PPP2R5C: variants seen among roughly 807,000 people sequenced by gnomAD.
The protein encoded by PPP2R5C is protein phosphatase 2 regulatory subunit B'gamma, also known as serine/threonine-protein phosphatase 2A 56 kDa regulatory subunit gamma isoform.
Under a neutral mutation model 68.9 loss-of-function variants are expected in PPP2R5C, and 7 were observed. The observed-to-expected ratio is 0.10, with a 90% CI of 0.06 to 0.19. The LOEUF is 0.19. Among genes scored for constraint, PPP2R5C ranks in the 10% least tolerant of loss-of-function variants. The pLI, the probability that PPP2R5C is intolerant of heterozygous loss-of-function variation, is 1.00. For synonymous variants in PPP2R5C, 210 were observed against 222.2 expected, an observed-to-expected ratio of 0.95 and a Z score of 0.49; for missense variants, 348 against 641.3, an observed-to-expected ratio of 0.54 and a Z score of 4.94.
At chr14:101,912,319 A>G (rs2046441467) in intron 11 of PPP2R5C, 82 bp from the exon 14 acceptor site, 19 of 1,252,984 alleles carry the variant, frequency 1.5e-5, no homozygotes, top group Non-Finnish European at 2.1e-5. Context: ...GGCTGGGCTC[A>G]ACATGCCTGT....
intron 1 of PPP2R5C, among the ~76,000 whole-genome samples, chr14:101,821,691 G>T (rs181711017): frequency 6.6e-6 from 1 of 151,858 alleles, no homozygotes; most frequent in South Asian, 2.1e-4. Context: ...GTATACATAC[G>T]TTACGTAAAT....
At chr14:101,761,874 G>A (rs1205801777), upstream of PPP2R5C, 26 of 1,138,054 alleles carry the variant, frequency 2.3e-5, no homozygotes, top group Middle Eastern at 1.1e-3. Context: ...CGGCGGCGGC[G>A]GCGGCGGCCC....
At chr14:101,761,482 G>T (rs1036809062), upstream of PPP2R5C, among the ~76,000 whole-genome samples, 1 of 148,072 alleles carries the variant, frequency 6.8e-6, no homozygotes, top group Non-Finnish European at 1.5e-5. Flanking sequence ...GGCGTGAACG[G>T]GTCGCGCGGA....
intron 5 of PPP2R5C, 51 bp from the exon 8 acceptor site, chr14:101,890,186 T>C: frequency 6.6e-7 from 1 of 1,505,464 alleles, no homozygotes; most frequent in South Asian, 1.1e-5. Flanking sequence ...ATTGTTTTCT[T>C]ATTCAGGTTA....
chr14:101,827,222 C>T (rs527497119), intron 1 of PPP2R5C, among the ~76,000 whole-genome samples: 5 of 152,140 alleles, frequency 3.3e-5, no homozygotes, highest in South Asian at 2.1e-4. Flanking sequence ...GTGATCTGCC[C>T]GCCTTGACCT....
At chr14:101,870,665 A>G (rs1414207338) in intron 2 of PPP2R5C, among the ~76,000 whole-genome samples, 1 of 152,228 alleles carries the variant, frequency 6.6e-6, no homozygotes, top group Non-Finnish European at 1.5e-5. Context: ...TTTTAAAATC[A>G]GCTTGTTATC....
At position 101,821,452 on chromosome 14, in the gene PPP2R5C, GGTGTGTGTGTGT is replaced by G. The variant is rs71116851; in HGVS notation, c.94+11437_94+11448del. ...TCTCCCTGTGGGGGGTGGGTGGGTG[GGTGTGTGTGTGT>G]GTGTGTGTGTGTGTGTGTGTATTTA... On this transcript the variant is annotated intron_variant, in intron 1 of 13. Coordinates refer to ENST00000334743, the Ensembl canonical transcript of PPP2R5C. Among the ~76,000 whole-genome samples, 58 of 121,438 alleles carry G rather than the reference GGTGTGTGTGTGT, an allele frequency of 4.8e-4. 1 individual carries two copies. In the South Asian group the frequency reaches 0.016, roughly 33 times the overall value. The allele number at this position is 121,438 out of a possible 152,430, so 79.7% of individuals were successfully genotyped here.
intron 11 of PPP2R5C, among the ~76,000 whole-genome samples, chr14:101,911,951 C>G (rs1176230026): frequency 6.6e-6 from 1 of 151,742 alleles, no homozygotes; most frequent in Admixed American, 6.6e-5. Flanking sequence ...TGGAGTCAGT[C>G]AACAACCCAG....
rs188031658 is a variant in PPP2R5C at position 101,925,997 on chromosome 14, A to T, written c.*725A>T. ...AAGAGATTGCTCTGAAATTTATCTT[A>T]AAAGAGCTTGCTCTGTCTACCTTGA... On this transcript the variant is annotated 3_prime_UTR_variant, in exon 14 of 14. Coordinates refer to ENST00000334743, the Ensembl canonical transcript of PPP2R5C. The T allele has an allele frequency of 2.6e-3, 398 of 152,642 alleles. 1 individual carries two copies. The highest frequency in any genetic ancestry group is 4.2e-3 in the Non-Finnish European group (286 of 68,034). The allele number at this position is 152,642 out of a possible 1,614,324, so 9.5% of individuals were successfully genotyped here. A position where few individuals can be genotyped will look rare whatever the true frequency, so the allele number is the denominator to read the frequency against.
chr14:101,760,725 T>G (rs1221211089), upstream of PPP2R5C: 7 of 710,268 alleles, frequency 9.9e-6, no homozygotes, highest in African/African-American at 4.5e-5. Flanking sequence ...AAAGCTGAGC[T>G]GGTGAGGGGA....
chr14:101,863,160 T>TA (rs1412430945), intron 2 of PPP2R5C, among the ~76,000 whole-genome samples: 1 of 151,926 alleles, frequency 6.6e-6, no homozygotes, highest in Non-Finnish European at 1.5e-5. Context: ...ATACAAAAAT[T>TA]AGCTGGGTTT....
chr14:101,772,533 G>A (rs1220689145), intron 2 of PPP2R5C, among the ~76,000 whole-genome samples: 2 of 152,144 alleles, frequency 1.3e-5, no homozygotes, highest in African/African-American at 2.4e-5. Flanking sequence ...AGTGGCTCAC[G>A]CCTGTAATCC....
chr14:101,765,388 C>T, intron 2 of PPP2R5C: 1 of 628,520 alleles, frequency 1.6e-6, no homozygotes, highest in Non-Finnish European at 2.9e-6. Context: ...TCCCCTCAGT[C>T]TTCAGCTCAC....
intron 2 of PPP2R5C, among the ~76,000 whole-genome samples, chr14:101,864,990 A>G (rs2042969698): frequency 6.6e-6 from 1 of 152,176 alleles, no homozygotes; most frequent in Non-Finnish European, 1.5e-5. Context: ...GCAGAGAGAA[A>G]TGGGCAAATG....
chr14:101,828,931 G>A (rs1194943030), intron 1 of PPP2R5C, among the ~76,000 whole-genome samples: 1 of 152,066 alleles, frequency 6.6e-6, no homozygotes, highest in African/African-American at 2.4e-5. Context: ...CACCCGCCTC[G>A]GCTTCTCAAA....
rs1227178878 is a variant in PPP2R5C at position 101,905,358 on chromosome 14, T to TA, written c.1024-1038dup. Among the ~76,000 whole-genome samples, 6 of 138,646 alleles carry TA rather than the reference T, an allele frequency of 4.3e-5. No homozygotes were observed. In the East Asian group the frequency reaches 1.3e-3, roughly 30 times the overall value. The allele number at this position is 138,646 out of a possible 152,430, so 91.0% of individuals were successfully genotyped here. On this transcript the variant is annotated intron_variant, in intron 9 of 13. Coordinates refer to ENST00000334743, the Ensembl canonical transcript of PPP2R5C. ...AACAGAGTGAAACTCCATCTCTTTT[T>TA]AAAAAACAAAAATGGATGGGCTAGG...
intron 2 of PPP2R5C, among the ~76,000 whole-genome samples, chr14:101,873,833 A>C (rs537945998): frequency 6.6e-6 from 1 of 152,318 alleles, no homozygotes; most frequent in Non-Finnish European, 1.5e-5. Context: ...TCAAGGCAGG[A>C]GCCTGGGGCG....
intron 10 of PPP2R5C, among the ~76,000 whole-genome samples, chr14:101,908,302 C>T (rs772809939): frequency 3.9e-5 from 6 of 152,208 alleles, no homozygotes; most frequent in South Asian, 2.1e-4. Flanking sequence ...ATGGCAATAG[C>T]GTGGTGGTTG....
At chr14:101,807,826 C>A (rs1393334961), upstream of PPP2R5C, among the ~76,000 whole-genome samples, 1 of 151,764 alleles carries the variant, frequency 6.6e-6, no homozygotes, top group Non-Finnish European at 1.5e-5. Context: ...AAAGTGTCTT[C>A]ACTGTTTCTT....
Sources: gnomAD v4.1 joint callset for allele counts (sites outside exome capture counted in the v4.1 genomes callset) on GRCh38, gnomAD v4.1.1 for gene constraint, MANE v1.5 for transcripts, NCBI Gene and HGNC (gene_info 2026-07-23, HGNC 2026-07-21) for gene names.